EBF3: variants seen among roughly 807,000 people sequenced by gnomAD.
EBF3 encodes the protein transcription factor COE3.
A neutral mutation model predicts 77.1 loss-of-function variants in EBF3; 18 were observed. That is an observed-to-expected ratio of 0.23 (90% CI 0.16 to 0.35). EBF3 has a LOEUF of 0.35. Among genes scored for constraint, EBF3 ranks in the 10% least tolerant of loss-of-function variants. The pLI is 1.00. For missense variants in EBF3, 558 were observed against 860.0 expected, an observed-to-expected ratio of 0.65 and a Z score of 4.39; for synonymous variants, 350 against 343.5, an observed-to-expected ratio of 1.02 and a Z score of -0.21.
intron 10 of EBF3, among the ~76,000 whole-genome samples, chr10:129,858,212 C>T (rs889515866): frequency 2.0e-5 from 3 of 152,314 alleles, no homozygotes; most frequent in African/African-American, 7.2e-5. Context: ...CAATACCCTC[C>T]GTGGTGTCTG....
chr10:129,884,392 A>G (rs1853424749), intron 6 of EBF3, among the ~76,000 whole-genome samples: 2 of 152,214 alleles, frequency 1.3e-5, no homozygotes. Flanking sequence ...TCTTAATGTC[A>G]GGCCTCTCTT....
At position 129,842,762 on chromosome 10, in the gene EBF3, T is replaced by TA. The variant is rs35249799; in HGVS notation, c.1194+374dup. On this transcript the variant is annotated intron_variant, in intron 12 of 16. Transcript: ENST00000440978. This position sits in a 1 kb window ranked among gnomAD's most constrained non-coding sequence, Gnocchi z 4.4. ...CTGGGTGACAGAGCAAGACCCTGTC[T>TA]AAAAAAAAAAAAAAAAAAAGGGAGC... 8.1e-3 allele frequency among the ~76,000 whole-genome samples: 910 copies of TA among 112,700 alleles called. 19 individuals carry two copies. The highest frequency in any genetic ancestry group is 0.02 in the African/African-American group (549 of 27,712). The allele number at this position is 112,700 out of a possible 152,430, so 73.9% of individuals were successfully genotyped here.
chr10:129,925,591 C>CAAAAAAAAAAAA lies in EBF3; in HGVS notation c.554+31655_554+31666dup, dbSNP rs11368338. ...TGGGTGGCAGAGCAAGACTCCATCT[C>CAAAAAAAAAAAA]AAAAAAAAAAAAAAAAGAAAGAAAG... On this transcript the variant is annotated intron_variant, in intron 6 of 16. Transcript: ENST00000440978. Among the ~76,000 whole-genome samples, 9 of 114,580 alleles carry CAAAAAAAAAAAA rather than the reference C, an allele frequency of 7.9e-5. No individual in the cohort carries two copies. The South Asian group carries it at 8.7e-4, about 11-fold the overall frequency. The allele number at this position is 114,580 out of a possible 152,430, so 75.2% of individuals were successfully genotyped here.
In EBF3 at chr10:129,938,666, T is replaced by G. The variant is rs1482681106; in HGVS notation, c.554+18592A>C. ...GCACGAGCAGAACGCTCCTCCTCCTTGGCTGTTGTCCACGAGAAAGGTGCG... is the reference window on the plus strand; with the variant it reads ...GCACGAGCAGAACGCTCCTCCTCCTGGGCTGTTGTCCACGAGAAAGGTGCG... On this transcript the variant is annotated intron_variant, in intron 6 of 16. Coordinates refer to ENST00000440978, the MANE Select transcript of EBF3 (RefSeq NM_001375380.1). This position sits in a 1 kb window ranked among gnomAD's most constrained non-coding sequence, Gnocchi z 5.1. 1.3e-5 allele frequency among the ~76,000 whole-genome samples: 2 copies of G among 152,244 alleles called. No homozygotes were observed. The highest frequency in any genetic ancestry group is 2.4e-5 in the African/African-American group (1 of 41,480).
At chr10:129,889,344 C>T (rs1051450248) in intron 6 of EBF3, among the ~76,000 whole-genome samples, 5 of 152,314 alleles carry the variant, frequency 3.3e-5, no homozygotes, top group South Asian at 2.1e-4. Context: ...GCTTCTCGGA[C>T]GGGCCTCAGC....
At chr10:129,953,699 C>T (rs531664530) in intron 6 of EBF3, among the ~76,000 whole-genome samples, 10 of 152,230 alleles carry the variant, frequency 6.6e-5, no homozygotes, top group South Asian at 4.1e-4. Context: ...GCTCCCACCA[C>T]CCCTACAGTT....
rs548528474 is a variant in EBF3 at position 129,869,756 on chromosome 10, C to T, written c.782-1844G>A. Among the ~76,000 whole-genome samples the T allele has an allele frequency of 5.3e-5, 8 of 152,310 alleles. No homozygotes were observed. In the South Asian group the frequency reaches 1.0e-3, roughly 20 times the overall value. ...GGGGGTTATATTTGCTCATTCCACG[C>T]GCATCTCCCTCCGCAGCAGAGGCGC... is the stretch of plus-strand genomic sequence containing the variant. On this transcript the variant is annotated intron_variant, in intron 8 of 16. Coordinates refer to ENST00000440978, the MANE Select transcript of EBF3 (RefSeq NM_001375380.1).
rs1169933122 is a variant in EBF3, at chr10:129,879,362, A to G, written c.555-1513T>C. Among the ~76,000 whole-genome samples, 11 of 152,232 alleles carry G rather than the reference A, an allele frequency of 7.2e-5. No homozygotes were observed. In the East Asian group the frequency reaches 2.1e-3, roughly 29 times the overall value. On this transcript the variant is annotated intron_variant, in intron 6 of 16. Transcript: ENST00000440978. The surrounding 1 kb of genome is among the most constrained non-coding windows in gnomAD (Gnocchi z 4.7). ...TTCCTCCCAAAATATCATCTGTCCT[A>G]CTTGGTGATTATTAATTTTTGATGA...
chr10:129,918,051 C>G (rs1006955960), intron 6 of EBF3, among the ~76,000 whole-genome samples: 4 of 152,222 alleles, frequency 2.6e-5, no homozygotes, highest in Non-Finnish European at 5.9e-5. Context: ...GACCTGGAAG[C>G]TGGAAAAGCC....
Position 129,958,999 on chromosome 10 carries a change from G to A in EBF3, c.420C>T (p.Val140=). The change falls in exon 5 of 17, where the codon GTC becomes GTT. Residue 140 remains valine (V), a synonymous_variant. Coordinates refer to ENST00000440978, the MANE Select transcript of EBF3 (RefSeq NM_001375380.1). ...CCGGGTTCTTGTCCTGGCCCTCGTA[G>A]ACGATGGCCTGCGCGAGGGACAAGC... ...LIDSMTKQAI[V]YEGQDKNPEM... 1.3e-6 allele frequency: 2 copies of A among 1,599,058 alleles called. No individual in the cohort carries two copies. Among genetic ancestry groups the A allele is most frequent in the Non-Finnish European group, 8.5e-7 (1 of 1,174,122 alleles).
intron 6 of EBF3, among the ~76,000 whole-genome samples, chr10:129,896,803 C>T (rs1278239861): frequency 1.3e-5 from 2 of 152,260 alleles, no homozygotes; most frequent in Non-Finnish European, 2.9e-5. Context: ...TGGTGACACG[C>T]CCAGCCCGTA....
intron 6 of EBF3, among the ~76,000 whole-genome samples, chr10:129,913,639 TAAC>T (rs775051050): frequency 6.6e-6 from 1 of 152,098 alleles, no homozygotes; most frequent in Non-Finnish European, 1.5e-5. Flanking sequence ...AAAAAATAAA[TAAC>T]AAGATACAAG....
Position 129,889,528 on chromosome 10 carries a change from ACT to A in EBF3, c.555-11681_555-11680del, listed in dbSNP as rs1195849631. ...GTTCCATCATCCACCTGCTCCCCAAACTCTGCAGCCTCCCTGCACCCCCCACC... is the reference window on the plus strand; with the variant it reads ...GTTCCATCATCCACCTGCTCCCCAAACTGCAGCCTCCCTGCACCCCCCACC... On this transcript the variant is annotated intron_variant, in intron 6 of 16. Transcript: ENST00000440978. Among the ~76,000 whole-genome samples the A allele has an allele frequency of 4.6e-5, 7 of 151,838 alleles. No individual in the cohort carries two copies. In the East Asian group the frequency reaches 1.2e-3, roughly 25 times the overall value.
rs755133977 is a variant in EBF3 at position 129,935,691 on chromosome 10, A to G, written c.554+21567T>C. ...ACAGCTCTCAGCCACCATTCCTCCTACGTCAGCACTGGGGAGTCCAGAGGC... is the reference window on the plus strand; with the variant it reads ...ACAGCTCTCAGCCACCATTCCTCCTGCGTCAGCACTGGGGAGTCCAGAGGC... On this transcript the variant is annotated intron_variant, in intron 6 of 16. Coordinates refer to ENST00000440978, the MANE Select transcript of EBF3 (RefSeq NM_001375380.1). The surrounding 1 kb of genome is among the most constrained non-coding windows in gnomAD (Gnocchi z 4.2). Among the ~76,000 whole-genome samples, 1 of 152,148 alleles carries G rather than the reference A, an allele frequency of 6.6e-6. No individual in the cohort carries two copies. The highest frequency in any genetic ancestry group is 2.4e-5 in the African/African-American group (1 of 41,438).
At chr10:129,877,729 G>A (rs1254205618) in intron 7 of EBF3, 39 bp downstream of exon 7, 5 of 1,563,490 alleles carry the variant, frequency 3.2e-6, no homozygotes, top group Non-Finnish European at 4.4e-6. Flanking sequence ...GGTATGAAAA[G>A]TCAGGACCAC....
rs1387089170 is a variant in EBF3, at chr10:129,843,309, A to G, written c.1129-107T>C. 9.1e-6 allele frequency: 11 copies of G among 1,207,478 alleles called. No homozygotes were observed. In the East Asian group the frequency reaches 2.3e-4, roughly 25 times the overall value. The allele number at this position is 1,207,478 out of a possible 1,614,324, so 74.8% of individuals were successfully genotyped here. ...GGTGTGGAGACCAGTCCCCACCCAC[A>G]GCGACCCGTCCTGGCCCTGCCGTGC... On this transcript the variant is annotated intron_variant, in intron 11 of 16. Coordinates refer to ENST00000440978, the MANE Select transcript of EBF3 (RefSeq NM_001375380.1).
intron 12 of EBF3, 85 bp downstream of exon 12, chr10:129,843,052 G>A: frequency 1.5e-6 from 2 of 1,367,626 alleles, no homozygotes; most frequent in East Asian, 2.4e-5. Flanking sequence ...CTTATGTCCA[G>A]AAAGCCCACA....
chr10:129,853,106 G>T (rs1467854404), intron 10 of EBF3, among the ~76,000 whole-genome samples: 1 of 152,238 alleles, frequency 6.6e-6, no homozygotes. Flanking sequence ...AGCCCAGCCA[G>T]CGAGCAGTGT....
Position 129,870,889 on chromosome 10 carries a change from C to G in EBF3, c.781+2563G>C, listed in dbSNP as rs1267237842. Among the ~76,000 whole-genome samples, 2 of 152,196 alleles carry G rather than the reference C, an allele frequency of 1.3e-5. No individual in the cohort carries two copies. Among genetic ancestry groups the G allele is most frequent in the Non-Finnish European group, 1.5e-5 (1 of 68,028 alleles). On this transcript the variant is annotated intron_variant, in intron 8 of 16. Transcript: ENST00000440978. This position sits in a 1 kb window ranked among gnomAD's most constrained non-coding sequence, Gnocchi z 4.4. Reference sequence around the variant, plus strand: ...TAATCAGCCCTCCTGAGTAATATCACAGCATTTGTCACCTTCCTCTGCATT... The same window carrying G: ...TAATCAGCCCTCCTGAGTAATATCAGAGCATTTGTCACCTTCCTCTGCATT...
Sources: gnomAD v4.1 joint callset for allele counts (sites outside exome capture counted in the v4.1 genomes callset) on GRCh38, gnomAD v4.1.1 for gene constraint, Gnocchi (gnomAD v3.1) non-coding constraint, MANE v1.5 for transcripts, NCBI Gene and HGNC (gene_info 2026-07-23, HGNC 2026-07-21) for gene names.